Variants in ATAD2 observed in about 807,000 individuals in gnomAD.
ATAD2 encodes the protein ATPase family AAA domain-containing protein 2.
A neutral mutation model predicts 168.9 loss-of-function variants in ATAD2; 62 were observed. The observed-to-expected ratio is 0.37, with a 90% CI of 0.30 to 0.45. ATAD2 has a LOEUF of 0.45. ATAD2 is among the 20% of genes least tolerant of loss of function. ATAD2 has a pLI of 1.00. For missense variants in ATAD2, 1,419 were observed against 1,667.8 expected (o/e 0.85, Z 2.60); for synonymous variants, 613 against 571.6 (o/e 1.07, Z -1.03).
At chr8:123,405,672 C>G (rs913695687) in intron 1 of ATAD2, among the ~76,000 whole-genome samples, 2 of 152,328 alleles carry the variant, frequency 1.3e-5, no homozygotes, top group East Asian at 1.9e-4. Context: ...ACACTCTGTT[C>G]TGTACTGTGC....
rs373069275 is a variant in ATAD2, at chr8:123,369,918, T to G, written c.834A>C (p.Glu278Asp). ...DDDDDDDDDD[E>D]DDEDEEDGEE... Reference sequence around the variant, plus strand: ...CTCCATCTTCTTCATCTTCATCATCTTCATCATCATCATCATCATCATCAT... The same window carrying G: ...CTCCATCTTCTTCATCTTCATCATCGTCATCATCATCATCATCATCATCAT... The change falls in exon 7 of 28, where the codon GAA becomes GAC. Residue 278 changes from glutamate to aspartate, a missense_variant. By Grantham distance (45) the Glu-to-Asp change is conservative. This residue lies in a region of ATAD2 where 419 missense variants were observed against 423.5 expected (regional missense o/e 0.99). Transcript: ENST00000287394. The G allele has an allele frequency of 9.6e-6, 15 of 1,567,892 alleles. No individual in the cohort carries two copies. Among genetic ancestry groups the G allele is most frequent in the Middle Eastern group, 1.7e-4 (1 of 5,960 alleles).
At chr8:123,384,434 G>C (rs917513199) in intron 1 of ATAD2, among the ~76,000 whole-genome samples, 1 of 152,146 alleles carries the variant, frequency 6.6e-6, no homozygotes, top group Non-Finnish European at 1.5e-5. Flanking sequence ...AGATCACAGG[G>C]TAGATTTTTC....
Position 123,337,786 on chromosome 8 carries a change from G to A in ATAD2, c.2890C>T (p.Pro964Ser). The A allele has an allele frequency of 6.2e-7, 1 of 1,611,612 alleles. No individual in the cohort carries two copies. Among genetic ancestry groups the A allele is most frequent in the Non-Finnish European group, 8.5e-7 (1 of 1,178,954 alleles). Reference protein sequence around the residue: ...QALEVLPVAPPPEPRSLTAEE... With the variant: ...QALEVLPVAPSPEPRSLTAEE... ...GCTGTCAGTGATCTTGGCTCAGGTG[G>A]TGGTGCTACTGGGAGTACCTCCAAA... Residue 964 changes from proline to serine, a missense_variant, in exon 21 of 28, where the codon CCA (proline) becomes TCA (serine). Coordinates refer to ENST00000287394, the MANE Select transcript of ATAD2 (RefSeq NM_014109.4).
In ATAD2 at chr8:123,369,934, T is replaced by A. The variant is rs944694312; in HGVS notation, c.818A>T (p.Asp273Val). The change falls in exon 7 of 28, where the codon GAT becomes GTT. Residue 273 changes from aspartate to valine, a missense_variant. Physicochemically the swap from Asp to Val is radical, Grantham distance 152 (BLOSUM62 -3). Coordinates refer to ENST00000287394, the MANE Select transcript of ATAD2 (RefSeq NM_014109.4). ...TTCATCATCTTCATCATCATCATCA[T>A]CATCATCATCGTCATCATCATCATC... ...EDDDDDDDDD[D>V]DDDDEDDEDE... 3 of 1,583,168 alleles carry A rather than the reference T, an allele frequency of 1.9e-6. No homozygotes were observed. In the South Asian group the frequency reaches 3.3e-5, roughly 18 times the overall value.
At chr8:123,382,499 T>C (rs1188678177) in intron 1 of ATAD2, among the ~76,000 whole-genome samples, 1 of 152,230 alleles carries the variant, frequency 6.6e-6, no homozygotes, top group East Asian at 1.9e-4. Flanking sequence ...ACTTTCATTT[T>C]CCAAGGAATA....
chr8:123,412,679 G>T (rs949005159), intron 1 of ATAD2, among the ~76,000 whole-genome samples: 4 of 151,858 alleles, frequency 2.6e-5, no homozygotes, highest in African/African-American at 4.8e-5. Context: ...CGATCCTCCC[G>T]CCTTGGTCTC....
At chr8:123,360,335 GTTGTT>G (rs1335598987) in intron 9 of ATAD2, among the ~76,000 whole-genome samples, 3 of 151,926 alleles carry the variant, frequency 2.0e-5, no homozygotes, top group Non-Finnish European at 2.9e-5. Context: ...TTCCTTTTTT[GTTGTT>G]TTGTTTTGTC....
chr8:123,320,971 C>T lies in ATAD2; in HGVS notation c.*163G>A, dbSNP rs994014599. ...CAGTTATCTTACACATGACATTTATCTTAATATGTACATAAATATCAGGAA... is the reference window on the plus strand; with the variant it reads ...CAGTTATCTTACACATGACATTTATTTTAATATGTACATAAATATCAGGAA... On this transcript the variant is annotated 3_prime_UTR_variant, in exon 28 of 28. Transcript: ENST00000287394. The T allele has an allele frequency of 2.2e-5, 14 of 627,128 alleles. No individual in the cohort carries two copies. The highest frequency in any genetic ancestry group is 3.8e-5 in the Non-Finnish European group (14 of 371,940). The allele number at this position is 627,128 out of a possible 1,614,324, so 38.8% of individuals were successfully genotyped here.
intron 1 of ATAD2, chr8:123,401,854 C>T: frequency 5.2e-6 from 4 of 762,140 alleles, no homozygotes; most frequent in South Asian, 4.0e-5. Context: ...AGGCACGATA[C>T]TTCAGTGAGG....
At position 123,321,188 on chromosome 8, in the gene ATAD2, G is replaced by T. The variant is rs184407308; in HGVS notation, c.4132-13C>A. The T allele has an allele frequency of 3.7e-6, 6 of 1,602,070 alleles. No individual in the cohort carries two copies. On this transcript the variant is annotated splice_polypyrimidine_tract_variant and intron_variant, in intron 27 of 27. Coordinates refer to ENST00000287394, the MANE Select transcript of ATAD2 (RefSeq NM_014109.4). ...CTTGCTCCATTTTCTAGATAAAGGGGAGGAAGAGCAAATAGTAAGTTTCAA... is the reference window on the plus strand; with the variant it reads ...CTTGCTCCATTTTCTAGATAAAGGGTAGGAAGAGCAAATAGTAAGTTTCAA...
At chr8:123,332,120 A>G (rs1332927080) in intron 24 of ATAD2, among the ~76,000 whole-genome samples, 1 of 152,232 alleles carries the variant, frequency 6.6e-6, no homozygotes, top group Non-Finnish European at 1.5e-5. Context: ...CTGTCTATAC[A>G]TATTGTATGC....
upstream of ATAD2, chr8:123,401,065 GA>G: frequency 5.1e-6 from 8 of 1,573,460 alleles, no homozygotes; most frequent in South Asian, 8.9e-5. Flanking sequence ...CCGAGACATC[GA>G]CTTTCTTGCT....
At chr8:123,374,847 G>A (rs537815547) in intron 2 of ATAD2, among the ~76,000 whole-genome samples, 2 of 152,160 alleles carry the variant, frequency 1.3e-5, no homozygotes, top group Admixed American at 1.3e-4. Flanking sequence ...TACACTCTGC[G>A]AAGACTATAC....
In ATAD2 at chr8:123,336,466, G is replaced by T; in HGVS notation, c.3118C>A (p.Leu1040Ile). Residue 1040 changes from leucine to isoleucine, a missense_variant, in exon 22 of 28, where the codon CTA becomes ATA. Transcript: ENST00000287394. ...TCTTTCACAGTCAGATACTTGTGTA[G>T]ATCAATTTTACTGATTACAGATGAA... ...DLSSVISKIDLHKYLTVKDYL... is the reference protein window; with the variant it reads ...DLSSVISKIDIHKYLTVKDYL... 6.4e-7 allele frequency: 1 copy of T among 1,573,056 alleles called. No individual in the cohort carries two copies. The highest frequency in any genetic ancestry group is 1.2e-5 in the South Asian group (1 of 83,280).
At chr8:123,403,213 C>T (rs1255006267) in intron 1 of ATAD2, among the ~76,000 whole-genome samples, 1 of 152,108 alleles carries the variant, frequency 6.6e-6, no homozygotes, top group African/African-American at 2.4e-5. Flanking sequence ...CCTCAACCTC[C>T]AAGTAGCTGG....
intron 6 of ATAD2, among the ~76,000 whole-genome samples, chr8:123,370,410 T>C (rs1335484103): frequency 6.6e-6 from 1 of 152,116 alleles, no homozygotes; most frequent in East Asian, 1.9e-4. Flanking sequence ...CATTAAGCTT[T>C]TGCTTTCTAA....
At chr8:123,363,489 G>A (rs1828880339) in intron 8 of ATAD2, among the ~76,000 whole-genome samples, 1 of 152,158 alleles carries the variant, frequency 6.6e-6, no homozygotes, top group African/African-American at 2.4e-5. Flanking sequence ...ATAAGGGGTT[G>A]TGGAAACACA....
chr8:123,333,889 C>G lies in ATAD2; in HGVS notation c.3467G>C (p.Cys1156Ser). 7 of 1,612,096 alleles carry G rather than the reference C, an allele frequency of 4.3e-6. No homozygotes were observed. Among genetic ancestry groups the G allele is most frequent in the Non-Finnish European group, 5.9e-6 (7 of 1,178,860 alleles). The change falls in exon 24 of 28, where the codon TGC (cysteine) becomes TCC (serine). Residue 1156 changes from cysteine (C) to serine (S), a missense_variant. By Grantham distance (112) the Cys-to-Ser change is moderately radical. Coordinates refer to ENST00000287394, the MANE Select transcript of ATAD2 (RefSeq NM_014109.4). ...ACTTGAGTACTTACCAGGAGTGCTG[C>G]AAGCCACAGGAGTACTCGGTGTCTT... ...KLKTPSTPVACSTPAQLKRKI... is the reference protein window; with the variant it reads ...KLKTPSTPVASSTPAQLKRKI...
chr8:123,356,396 T>G lies in ATAD2; in HGVS notation c.1639A>C (p.Ile547Leu). 6.2e-7 allele frequency: 1 copy of G among 1,611,114 alleles called. No individual in the cohort carries two copies. ...APVRSSRQDQ[I>L]HSSIVSTLLA... The stretch of plus-strand genomic sequence containing the variant: ...CCATCAAGCAAGTTTTACCTGTGAA[T>G]CTGATCTTGCCTGCTTGACCGTACT... The change falls in exon 13 of 28, where the codon ATT (isoleucine) becomes CTT (leucine). Residue 547 changes from isoleucine to leucine, a missense_variant. Transcript: ENST00000287394.
Sources: allele counts gnomAD v4.1 joint callset (sites outside exome capture counted in the v4.1 genomes callset), GRCh38; gene constraint gnomAD v4.1.1; regional missense constraint gnomAD v4.1.1; transcripts MANE v1.5; gene names NCBI Gene and HGNC (gene_info 2026-07-23, HGNC 2026-07-21).